Variants in ADCY5 observed in about 807,000 individuals in gnomAD.
The protein encoded by ADCY5 is adenylate cyclase type 5.
Under a neutral mutation model 119.7 loss-of-function variants are expected in ADCY5, and 30 were observed. The ratio of observed to expected loss-of-function variants is 0.25; its 90% CI spans 0.19 to 0.34. The LOEUF (loss-of-function observed/expected upper bound fraction) is 0.34, where lower values mean the gene tolerates loss of function less well. Ranked by LOEUF, ADCY5 falls within the 10% of genes least tolerant of loss-of-function variation. ADCY5 has a pLI of 1.00. For missense variants in ADCY5, 1,324 were observed against 1,775.2 expected, an observed-to-expected ratio of 0.75 and a Z score of 4.57; for synonymous variants, 753 against 762.2, an observed-to-expected ratio of 0.99 and a Z score of 0.20.
chr3:123,415,056 GC>G (rs1156779545), intron 1 of ADCY5, among the ~76,000 whole-genome samples: 1 of 152,168 alleles, frequency 6.6e-6, no homozygotes, highest in Non-Finnish European at 1.5e-5. Flanking sequence ...GTGAGCTACA[GC>G]AGGGCCCACA....
rs1939035968 is a variant in ADCY5 at position 123,289,902 on chromosome 3, C to G, written c.3380G>C (p.Ser1127Thr). Residue 1127 changes from serine to threonine, a missense_variant, in exon 19 of 21, where the codon AGC (serine) becomes ACC (threonine). Coordinates refer to ENST00000462833, the MANE Select transcript of ADCY5 (RefSeq NM_183357.3). The part of the protein sequence containing the change: ...RQLEKIKTIG[S>T]TYMAASGLND... ...GAGGCCGGAGGCAGCCATGTAGGTG[C>G]TGCCGATGGTCTTGATCTTCTCCAG... 1 of 1,614,102 alleles carries G rather than the reference C, an allele frequency of 6.2e-7. No homozygotes were observed. Among genetic ancestry groups the G allele is most frequent in the African/African-American group, 1.3e-5 (1 of 74,936 alleles).
chr3:123,427,104 A>G (rs759594004), intron 1 of ADCY5, among the ~76,000 whole-genome samples: 4 of 152,096 alleles, frequency 2.6e-5, no homozygotes, highest in African/African-American at 9.7e-5. Context: ...GAAAGACACT[A>G]ATAGGCAGAT....
chr3:123,382,338 G>T (rs569925140), intron 1 of ADCY5, among the ~76,000 whole-genome samples: 1 of 150,958 alleles, frequency 6.6e-6, no homozygotes, highest in East Asian at 2.0e-4. Context: ...AAATGGTGCA[G>T]CCCCTGTGGA....
intron 3 of ADCY5, among the ~76,000 whole-genome samples, chr3:123,337,668 C>G (rs1294941232): frequency 6.6e-6 from 1 of 152,364 alleles, no homozygotes; most frequent in East Asian, 1.9e-4. Flanking sequence ...CACAAGTTCA[C>G]CATTCCTATT....
chr3:123,338,283 GA>G (rs1228726749), intron 3 of ADCY5, among the ~76,000 whole-genome samples: 1 of 152,222 alleles, frequency 6.6e-6, no homozygotes, highest in Non-Finnish European at 1.5e-5. Flanking sequence ...GGTTGCTGCT[GA>G]GGCCCTGACT....
intron 8 of ADCY5, among the ~76,000 whole-genome samples, chr3:123,324,404 CCACACACACACACACACACACA>C (rs10522987): frequency 0.049 from 5,381 of 109,672 alleles, 401 homozygotes; most frequent in African/African-American, 0.15. Context: ...CACACAGAAA[CCACACACACACACACACACACA>C]CACACACACA....
chr3:123,330,128 C>T (rs1320378100), intron 5 of ADCY5, among the ~76,000 whole-genome samples: 1 of 152,224 alleles, frequency 6.6e-6, no homozygotes, highest in Non-Finnish European at 1.5e-5. Flanking sequence ...CTAGCTCAGG[C>T]TTGCTGGGGA....
intron 1 of ADCY5, among the ~76,000 whole-genome samples, chr3:123,429,459 A>C (rs1266016277): frequency 1.3e-5 from 2 of 152,098 alleles, no homozygotes; most frequent in Non-Finnish European, 2.9e-5. Flanking sequence ...GAGACCACAA[A>C]GTCTGCCTCT....
In ADCY5 at chr3:123,449,033, G is replaced by C. The variant is rs992311292; in HGVS notation, c.-488C>G. On this transcript the variant is annotated 5_prime_UTR_variant, in exon 1 of 21. Transcript: ENST00000462833. ...GGCGGCGGCGAGGGCGGCTCGGCGG[G>C]GGTCCCGGCGAAGAGACACTGCGGG... 1 of 154,890 alleles carries C rather than the reference G, an allele frequency of 6.5e-6. No homozygotes were observed. Among genetic ancestry groups the C allele is most frequent in the African/African-American group, 2.4e-5 (1 of 41,508 alleles). 9.6% of individuals were successfully genotyped at this position (154,890 alleles called of 1,614,324 possible).
At chr3:123,334,622 C>T (rs527961223) in intron 3 of ADCY5, among the ~76,000 whole-genome samples, 1 of 152,232 alleles carries the variant, frequency 6.6e-6, no homozygotes, top group Admixed American at 6.5e-5. Flanking sequence ...CCTGTAATCT[C>T]AGCTACTCAA....
At chr3:123,357,245 A>G (rs573086767) in intron 1 of ADCY5, among the ~76,000 whole-genome samples, 1 of 152,226 alleles carries the variant, frequency 6.6e-6, no homozygotes, top group African/African-American at 2.4e-5. Context: ...CTTAATTTAA[A>G]AAAAAAAAGG....
At chr3:123,314,192 G>A in intron 12 of ADCY5, 43 bp downstream of exon 12, 1 of 1,520,210 alleles carries the variant, frequency 6.6e-7, no homozygotes, top group Non-Finnish European at 9.1e-7. Context: ...GCTGAGAGAA[G>A]CGGGAAGAAG....
chr3:123,396,069 G>GGAGAGA (rs1310383163), intron 1 of ADCY5, among the ~76,000 whole-genome samples: 5 of 9,248 alleles, frequency 5.4e-4, no homozygotes, highest in African/African-American at 2.3e-3. Context: ...AGGGTGGGAG[G>GGAGAGA]GAGAGGGAGG....
chr3:123,322,902 C>A (rs1167134356), intron 8 of ADCY5, among the ~76,000 whole-genome samples: 2 of 152,218 alleles, frequency 1.3e-5, no homozygotes. Flanking sequence ...GCGCTCCCAG[C>A]CCCCCATCCC....
At chr3:123,327,864 A>C in intron 6 of ADCY5, 105 bp from the exon 7 acceptor site, 1 of 1,344,122 alleles carries the variant, frequency 7.4e-7, no homozygotes, top group South Asian at 1.4e-5. Context: ...CCACAATTCA[A>C]ACCCTAGGGC....
Position 123,447,580 on chromosome 3 carries a change from T to C in ADCY5, c.966A>G (p.Pro322=). ...VQVVGLLLPQ[P]RSASEGIWWT... is the part of the protein sequence containing the mutation. The stretch of plus-strand genomic sequence containing the variant: ...ACCAGATGCCCTCAGAGGCGCTGCG[T>C]GGCTGCGGCAGCAGCAGGCCCACCA... Residue 322 remains proline, a synonymous_variant, in exon 1 of 21, where the codon CCA becomes CCG. Coordinates refer to ENST00000462833, the MANE Select transcript of ADCY5 (RefSeq NM_183357.3). 2 of 1,608,448 alleles carry C rather than the reference T, an allele frequency of 1.2e-6. No individual in the cohort carries two copies. Among genetic ancestry groups the C allele is most frequent in the Non-Finnish European group, 1.7e-6 (2 of 1,179,406 alleles).
chr3:123,431,938 A>G lies in ADCY5; in HGVS notation c.1134+15474T>C, dbSNP rs76682049. Among the ~76,000 whole-genome samples the G allele has an allele frequency of 1.1e-3, 166 of 152,326 alleles. 1 individual carries two copies. The highest frequency in any genetic ancestry group is 3.8e-3 in the African/African-American group (158 of 41,570). On this transcript the variant is annotated intron_variant, in intron 1 of 20. Coordinates refer to ENST00000462833, the MANE Select transcript of ADCY5 (RefSeq NM_183357.3). ...GGGCAGTAGTTCTCAATCCTGGCGCACAACAGAATCACCCACAGCATTACA... is the reference window on the plus strand; with the variant it reads ...GGGCAGTAGTTCTCAATCCTGGCGCGCAACAGAATCACCCACAGCATTACA...
intron 13 of ADCY5, 38 bp downstream of exon 13, chr3:123,304,029 G>C (rs780951276): frequency 1.5e-6 from 2 of 1,379,020 alleles, no homozygotes; most frequent in Non-Finnish European, 2.1e-6. Flanking sequence ...TGATCCAATG[G>C]GGCTGCGGAG....
chr3:123,343,310 G>A (rs1263630326), intron 3 of ADCY5, among the ~76,000 whole-genome samples: 1 of 152,194 alleles, frequency 6.6e-6, no homozygotes, highest in Non-Finnish European at 1.5e-5. Context: ...TGATGAGGCA[G>A]AGTTCACACA....
Sources: gnomAD v4.1 joint callset for allele counts (sites outside exome capture counted in the v4.1 genomes callset) on GRCh38, gnomAD v4.1.1 for gene constraint, MANE v1.5 for transcripts, NCBI Gene and HGNC (gene_info 2026-07-23, HGNC 2026-07-21) for gene names.